Variants in ACTR3C observed in about 807,000 individuals in gnomAD.
ACTR3C encodes the protein actin-related protein 3C.
Under a neutral mutation model 26.3 loss-of-function variants are expected in ACTR3C, and 18 were observed. The observed-to-expected ratio is 0.68, with a 90% CI of 0.47 to 1.01. ACTR3C has a LOEUF of 1.01. Ranked by LOEUF, ACTR3C falls within the 50% of genes least tolerant of loss-of-function variation. ACTR3C has a pLI of 0.00. For missense variants in ACTR3C, 184 were observed against 250.7 expected (o/e 0.73, Z 1.80); for synonymous variants, 55 against 94.5 (o/e 0.58, Z 2.42).
At chr7:150,058,378 T>C in the ACTR3C span, among the ~76,000 whole-genome samples, 1 of 152,168 alleles carries the variant, frequency 6.6e-6, no homozygotes, top group Non-Finnish European at 1.5e-5. Flanking sequence ...GCTGCACCCA[T>C]ATCCCTTCTC....
intron 6 of ACTR3C, among the ~76,000 whole-genome samples, chr7:150,261,222 T>C (rs978501834): frequency 1.3e-5 from 2 of 152,210 alleles, no homozygotes; most frequent in African/African-American, 4.8e-5. Context: ...TCACAGGTAT[T>C]GCTAATGCAA....
the ACTR3C span, chr7:149,881,710 AGAG>A: frequency 6.6e-6 from 1 of 152,366 alleles, no homozygotes; most frequent in Non-Finnish European, 1.5e-5. Flanking sequence ...AAAACCCAGA[AGAG>A]AACCCCAAGG....
chr7:150,009,861 G>A, the ACTR3C span, among the ~76,000 whole-genome samples: 1 of 152,198 alleles, frequency 6.6e-6, no homozygotes, highest in African/African-American at 2.4e-5. Context: ...TTTGCTCCCA[G>A]CTACGCTTGC....
chr7:149,882,992 G>C, the ACTR3C span, among the ~76,000 whole-genome samples: 2 of 152,204 alleles, frequency 1.3e-5, no homozygotes, highest in East Asian at 3.9e-4. Context: ...CTGGCTCTCA[G>C]GCTCTTGAGA....
chr7:150,087,743 C>T, the ACTR3C span, among the ~76,000 whole-genome samples: 3 of 152,168 alleles, frequency 2.0e-5, no homozygotes, highest in African/African-American at 7.2e-5. Flanking sequence ...GAGCTCACAG[C>T]CAGTAAGTAA....
the ACTR3C span, among the ~76,000 whole-genome samples, chr7:150,237,471 C>G: frequency 6.6e-6 from 1 of 151,910 alleles, no homozygotes; most frequent in African/African-American, 2.4e-5. Context: ...AACTTTGAGG[C>G]ACATGTCCCA....
the ACTR3C span, among the ~76,000 whole-genome samples, chr7:150,042,370 T>G: frequency 1.7e-5 from 2 of 116,402 alleles, no homozygotes; most frequent in South Asian, 2.9e-4. Context: ...GCGATGGGGG[T>G]CCTAAGAGCA....
chr7:150,250,147 C>G (rs1832730123), intron 6 of ACTR3C, among the ~76,000 whole-genome samples: 1 of 150,270 alleles, frequency 6.7e-6, no homozygotes, highest in Non-Finnish European at 1.5e-5. Context: ...GGATGTTTTT[C>G]TAAATGTAGG....
At chr7:150,219,427 C>T in the ACTR3C span, among the ~76,000 whole-genome samples, 2 of 146,194 alleles carry the variant, frequency 1.4e-5, no homozygotes, top group Non-Finnish European at 2.9e-5. Context: ...TTTTAAAGTT[C>T]ATTGTTACAT....
the ACTR3C span, among the ~76,000 whole-genome samples, chr7:150,034,568 C>T: frequency 1.3e-5 from 2 of 151,706 alleles, no homozygotes; most frequent in African/African-American, 2.4e-5. Flanking sequence ...AGAATTCTCT[C>T]ACCTGCCTTC....
chr7:149,907,483 TC>T, the ACTR3C span, among the ~76,000 whole-genome samples: 56 of 43,898 alleles, frequency 1.3e-3, 1 homozygote, highest in East Asian at 4.3e-3. Context: ...TTCTCTTCTC[TC>T]TCTCTCTCTC....
the ACTR3C span, among the ~76,000 whole-genome samples, chr7:149,961,967 C>G: frequency 6.8e-6 from 1 of 146,714 alleles, no homozygotes; most frequent in South Asian, 2.1e-4. Flanking sequence ...AGGAAGTGTT[C>G]ACTCACAGGA....
At chr7:150,226,895 A>G in the ACTR3C span, among the ~76,000 whole-genome samples, 1 of 152,102 alleles carries the variant, frequency 6.6e-6, no homozygotes, top group African/African-American at 2.4e-5. Flanking sequence ...GAGTTTTAAG[A>G]GTTGTTTATT....
At chr7:150,017,012 T>C in the ACTR3C span, among the ~76,000 whole-genome samples, 2 of 152,064 alleles carry the variant, frequency 1.3e-5, no homozygotes, top group Non-Finnish European at 2.9e-5. Context: ...ACTCCACACC[T>C]AGATCTTGGA....
chr7:150,127,402 T>A, the ACTR3C span, among the ~76,000 whole-genome samples: 1 of 152,196 alleles, frequency 6.6e-6, no homozygotes, highest in Non-Finnish European at 1.5e-5. Context: ...AGATTATGCC[T>A]ACTTGGCTGC....
the ACTR3C span, among the ~76,000 whole-genome samples, chr7:150,039,339 C>A: frequency 8.2e-4 from 119 of 145,882 alleles, no homozygotes; most frequent in African/African-American, 3.0e-3. Context: ...AGCTCTCAGT[C>A]CCCACCCTCG....
chr7:150,051,223 C>T, the ACTR3C span, among the ~76,000 whole-genome samples: 5 of 152,104 alleles, frequency 3.3e-5, no homozygotes, highest in African/African-American at 4.8e-5. Context: ...GGTGTGAGGA[C>T]ACTGTGGTCC....
At chr7:150,040,056 G>T in the ACTR3C span, among the ~76,000 whole-genome samples, 12 of 138,940 alleles carry the variant, frequency 8.6e-5, no homozygotes, top group African/African-American at 3.4e-4. Flanking sequence ...GCCTCGCGGG[G>T]GGTGCCTCCC....
chr7:150,285,648 C>A (rs1237111525), intron 5 of ACTR3C, among the ~76,000 whole-genome samples: 2 of 152,180 alleles, frequency 1.3e-5, no homozygotes, highest in Non-Finnish European at 2.9e-5. Context: ...TATGCTATTT[C>A]TCTGTACAAA....
Sources: allele counts gnomAD v4.1 joint callset (sites outside exome capture counted in the v4.1 genomes callset), GRCh38; gene constraint gnomAD v4.1.1; transcripts MANE v1.5; gene names NCBI Gene and HGNC (gene_info 2026-07-23, HGNC 2026-07-21).